CEP112: variants seen among roughly 807,000 people sequenced by gnomAD.
CEP112 encodes the protein centrosomal protein 112, also known as centrosomal protein of 112 kDa.
CEP112 carries 127 observed loss-of-function variants against 153.0 expected under a neutral mutation model. The observed-to-expected ratio is 0.83, with a 90% CI of 0.72 to 0.96. The LOEUF is 0.96. Among genes scored for constraint, CEP112 ranks in the 40% least tolerant of loss-of-function variants. The probability of loss-of-function intolerance (pLI) is 0.00; values close to 1 mark genes in which losing one functional copy is unlikely to be tolerated. For missense variants in CEP112, 1,089 were observed against 1,101.2 expected, an observed-to-expected ratio of 0.99 and a Z score of 0.16; for synonymous variants, 358 against 374.4, an observed-to-expected ratio of 0.96 and a Z score of 0.51.
intron 20 of CEP112, among the ~76,000 whole-genome samples, chr17:65,896,499 C>T (rs886551822): frequency 6.6e-6 from 1 of 151,876 alleles, no homozygotes; most frequent in Non-Finnish European, 1.5e-5. Flanking sequence ...TAACTAAATA[C>T]TTAAGAAATA....
At chr17:65,721,055 A>G (rs1170973380) in intron 23 of CEP112, among the ~76,000 whole-genome samples, 1 of 135,590 alleles carries the variant, frequency 7.4e-6, no homozygotes, top group Non-Finnish European at 1.5e-5. Context: ...TCTGTTGTCC[A>G]GGATGGAGTG....
chr17:65,936,111 C>T (rs1459138267), intron 18 of CEP112, among the ~76,000 whole-genome samples: 1 of 152,110 alleles, frequency 6.6e-6, no homozygotes, highest in South Asian at 2.1e-4. Flanking sequence ...GAATTACGAA[C>T]CACTATACAT....
At chr17:65,701,886 C>CT (rs1336708768) in intron 23 of CEP112, among the ~76,000 whole-genome samples, 1,502 of 128,828 alleles carry the variant, frequency 0.012, 21 homozygotes, top group African/African-American at 0.034. Context: ...CCTTCAACTT[C>CT]TTTTTTTTTT....
At chr17:65,741,253 T>G (rs1018383533) in intron 23 of CEP112, among the ~76,000 whole-genome samples, 7 of 152,130 alleles carry the variant, frequency 4.6e-5, no homozygotes, top group African/African-American at 1.7e-4. Context: ...TCAGCTGTTA[T>G]TCACAGTATT....
chr17:66,009,931 C>A (rs1216427956), intron 16 of CEP112, among the ~76,000 whole-genome samples: 1 of 152,068 alleles, frequency 6.6e-6, no homozygotes, highest in Admixed American at 6.5e-5. Context: ...TTACGATTGT[C>A]TTGGATATTC....
intron 21 of CEP112, among the ~76,000 whole-genome samples, chr17:65,805,449 C>T (rs1697670515): frequency 6.6e-6 from 1 of 152,084 alleles, no homozygotes; most frequent in South Asian, 2.1e-4. Flanking sequence ...ACTGGGATAA[C>T]AATGTGGGGT....
At position 65,917,246 on chromosome 17, in the gene CEP112, T is replaced by C. The variant is rs144937658; in HGVS notation, c.1980+10336A>G. Among the ~76,000 whole-genome samples the C allele has an allele frequency of 2.3e-3, 345 of 152,242 alleles. 1 individual carries two copies. The highest frequency in any genetic ancestry group is 7.8e-3 in the African/African-American group (324 of 41,538). Reference sequence around the variant, plus strand: ...CCACTGAGGACCACAGGGGCTGATATGTAGCTGGGGTTCAAAAATGTATTA... The same window carrying C: ...CCACTGAGGACCACAGGGGCTGATACGTAGCTGGGGTTCAAAAATGTATTA... On this transcript the variant is annotated intron_variant, in intron 19 of 26. Transcript: ENST00000535342.
intron 21 of CEP112, among the ~76,000 whole-genome samples, chr17:65,769,713 T>C (rs926297307): frequency 6.6e-6 from 1 of 151,972 alleles, no homozygotes; most frequent in Admixed American, 6.6e-5. Context: ...TATTTCTACA[T>C]GTAAAAGAAT....
At chr17:66,010,342 TGAA>T (rs2064464710) in intron 16 of CEP112, among the ~76,000 whole-genome samples, 1 of 152,182 alleles carries the variant, frequency 6.6e-6, no homozygotes, top group Non-Finnish European at 1.5e-5. Flanking sequence ...TTTTATCAGA[TGAA>T]GTTGTTTATC....
At chr17:66,188,282 CACAA>C (rs201700978) in intron 1 of CEP112, among the ~76,000 whole-genome samples, 11,849 of 70,300 alleles carry the variant, frequency 0.17, 612 homozygotes, top group Non-Finnish European at 0.24. Flanking sequence ...ACACCACACA[CACAA>C]ACACACACAC....
chr17:66,049,580 T>C (rs2145902731), intron 12 of CEP112, among the ~76,000 whole-genome samples: 1 of 152,180 alleles, frequency 6.6e-6, no homozygotes, highest in South Asian at 2.1e-4. Flanking sequence ...CAAAACTCCA[T>C]CTCTACTAAA....
At chr17:65,900,354 G>A (rs2059801650) in intron 20 of CEP112, among the ~76,000 whole-genome samples, 1 of 152,122 alleles carries the variant, frequency 6.6e-6, no homozygotes, top group Admixed American at 6.5e-5. Flanking sequence ...CAGCATTTGA[G>A]GAGGTCATAT....
At chr17:65,814,799 T>C (rs2056178483) in intron 21 of CEP112, among the ~76,000 whole-genome samples, 1 of 152,212 alleles carries the variant, frequency 6.6e-6, no homozygotes, top group Admixed American at 6.5e-5. Context: ...ACAAACTCAG[T>C]GCCCTACCAA....
At chr17:66,084,688 G>T (rs989679992) in intron 8 of CEP112, among the ~76,000 whole-genome samples, 1 of 152,224 alleles carries the variant, frequency 6.6e-6, no homozygotes, top group East Asian at 1.9e-4. Flanking sequence ...AAGGCAGGGG[G>T]GGAGTTGGGA....
At chr17:65,785,079 C>A (rs1202947576) in intron 21 of CEP112, among the ~76,000 whole-genome samples, 1 of 152,196 alleles carries the variant, frequency 6.6e-6, no homozygotes, top group Non-Finnish European at 1.5e-5. Context: ...TTAAATCATA[C>A]AACATATGAC....
At chr17:65,673,837 T>C (rs1215202366) in intron 24 of CEP112, among the ~76,000 whole-genome samples, 1 of 152,212 alleles carries the variant, frequency 6.6e-6, no homozygotes, top group African/African-American at 2.4e-5. Context: ...TTGCAACTTA[T>C]CTAACTAACA....
intron 22 of CEP112, among the ~76,000 whole-genome samples, 194 bp from the exon 23 acceptor site, chr17:65,743,411 T>A (rs2051247918): frequency 6.6e-6 from 1 of 152,216 alleles, no homozygotes; most frequent in Non-Finnish European, 1.5e-5. Context: ...ATGTGAATGG[T>A]GAACAACTGC....
At chr17:65,979,927 C>T (rs2063168943) in intron 17 of CEP112, among the ~76,000 whole-genome samples, 1 of 152,012 alleles carries the variant, frequency 6.6e-6, no homozygotes, top group African/African-American at 2.4e-5. Flanking sequence ...ACGCTATCAC[C>T]ATTCTAAACT....
intron 20 of CEP112, among the ~76,000 whole-genome samples, chr17:65,860,106 A>G (rs992672469): frequency 6.6e-6 from 1 of 152,054 alleles, no homozygotes; most frequent in Non-Finnish European, 1.5e-5. Context: ...ATTATTAGAA[A>G]TAAGAGCTTA....
Sources: gnomAD v4.1 joint callset for allele counts (sites outside exome capture counted in the v4.1 genomes callset) on GRCh38, gnomAD v4.1.1 for gene constraint, MANE v1.5 for transcripts, NCBI Gene and HGNC (gene_info 2026-07-23, HGNC 2026-07-21) for gene names.